The following MIS18A variants were observed in gnomAD, a reference collection of about 807,000 sequenced individuals.
The protein encoded by MIS18A is MIS18 kinetochore protein A.
Under a neutral mutation model 25.0 loss-of-function variants are expected in MIS18A, and 14 were observed. That is an observed-to-expected ratio of 0.56 (90% CI 0.37 to 0.88). The LOEUF (loss-of-function observed/expected upper bound fraction) is 0.88. MIS18A is among the 40% of genes least tolerant of loss of function. MIS18A has a pLI of 0.00. For missense variants in MIS18A, 292 were observed against 290.8 expected (o/e 1.00, Z -0.03); for synonymous variants, 134 against 118.6 (o/e 1.13, Z -0.84).
chr21:32,234,090 G>C, the MIS18A span, among the ~76,000 whole-genome samples: 5 of 152,302 alleles, frequency 3.3e-5, no homozygotes, highest in East Asian at 7.7e-4. Flanking sequence ...ATAACAATGT[G>C]TCAACATCCG....
chr21:32,275,041 T>G, intron 1 of MIS18A, 145 bp from the exon 2 acceptor site: 2 of 654,560 alleles, frequency 3.1e-6, no homozygotes, highest in Non-Finnish European at 5.3e-6. Flanking sequence ...GGTTTAAAAC[T>G]AAATGTACTG....
the MIS18A span, among the ~76,000 whole-genome samples, chr21:32,181,964 T>C: frequency 6.6e-6 from 1 of 152,202 alleles, no homozygotes; most frequent in Non-Finnish European, 1.5e-5. Context: ...ATGAGAATAT[T>C]CATACCTGTT....
At chr21:32,171,024 T>G in the MIS18A span, among the ~76,000 whole-genome samples, 2 of 152,088 alleles carry the variant, frequency 1.3e-5, no homozygotes, top group Non-Finnish European at 2.9e-5. Flanking sequence ...CCTACAGTTA[T>G]CATTATACTT....
the MIS18A span, among the ~76,000 whole-genome samples, chr21:32,193,521 T>TA: frequency 8.6e-5 from 9 of 104,884 alleles, no homozygotes; most frequent in African/African-American, 2.5e-4. Flanking sequence ...GATAGATAGA[T>TA]GGATAGATCG....
chr21:32,157,014 C>T, the MIS18A span, among the ~76,000 whole-genome samples: 3 of 151,304 alleles, frequency 2.0e-5, no homozygotes, highest in African/African-American at 7.3e-5. Context: ...ATATGGCCCA[C>T]TAGGCTGATT....
At chr21:32,244,794 T>C in the MIS18A span, among the ~76,000 whole-genome samples, 7 of 152,236 alleles carry the variant, frequency 4.6e-5, no homozygotes, top group East Asian at 1.4e-3. Context: ...CCAAGAGTTT[T>C]TTGGAAAAGG....
At chr21:32,253,541 C>A in the MIS18A span, among the ~76,000 whole-genome samples, 1 of 152,272 alleles carries the variant, frequency 6.6e-6, no homozygotes, top group Middle Eastern at 3.4e-3. Flanking sequence ...CAGCATCATG[C>A]CCAGATCACT....
the MIS18A span, among the ~76,000 whole-genome samples, chr21:32,211,255 G>C: frequency 6.6e-6 from 1 of 152,126 alleles, no homozygotes; most frequent in African/African-American, 2.4e-5. Context: ...TGGTCAGGCT[G>C]GTCTCGAACT....
the MIS18A span, among the ~76,000 whole-genome samples, chr21:32,208,415 C>G: frequency 6.6e-6 from 1 of 152,122 alleles, no homozygotes; most frequent in Non-Finnish European, 1.5e-5. Flanking sequence ...GACCTCCCCC[C>G]TCTCTTGCCC....
chr21:32,263,880 T>C (rs2031551221), downstream of MIS18A, among the ~76,000 whole-genome samples: 1 of 150,990 alleles, frequency 6.6e-6, no homozygotes, highest in Admixed American at 6.6e-5. Flanking sequence ...AATTTCAAGC[T>C]ACCAACAGTT....
the MIS18A span, among the ~76,000 whole-genome samples, chr21:32,197,032 G>A: frequency 1.3e-3 from 190 of 150,436 alleles, no homozygotes; most frequent in Middle Eastern, 6.8e-3. Context: ...AGGACAGCAG[G>A]ATTAAAAAAA....
chr21:32,168,002 AG>A, the MIS18A span, among the ~76,000 whole-genome samples: 2 of 152,264 alleles, frequency 1.3e-5, no homozygotes, highest in East Asian at 3.9e-4. Context: ...TGATGTTTGG[AG>A]GTGGGGTCTT....
the MIS18A span, among the ~76,000 whole-genome samples, chr21:32,259,147 T>A: frequency 2.0e-5 from 3 of 152,046 alleles, no homozygotes; most frequent in Non-Finnish European, 4.4e-5. Context: ...GTGCCAGGAT[T>A]TCAGGTGGGA....
the MIS18A span, among the ~76,000 whole-genome samples, chr21:32,209,495 T>C: frequency 1.3e-5 from 2 of 152,200 alleles, no homozygotes; most frequent in South Asian, 2.1e-4. Flanking sequence ...ATTAGGTTGG[T>C]GCAAAAGTAA....
At chr21:32,274,456 T>C (rs980206937) in intron 2 of MIS18A, among the ~76,000 whole-genome samples, 1 of 152,134 alleles carries the variant, frequency 6.6e-6, no homozygotes, top group African/African-American at 2.4e-5. Context: ...TCTGCCCACC[T>C]TGGCCTCCGA....
At chr21:32,254,470 G>T in the MIS18A span, among the ~76,000 whole-genome samples, 1 of 152,010 alleles carries the variant, frequency 6.6e-6, no homozygotes, top group Non-Finnish European at 1.5e-5. Context: ...GGTGGAGGTT[G>T]CAGTGAGCCA....
chr21:32,176,924 C>T, the MIS18A span, among the ~76,000 whole-genome samples: 3 of 151,932 alleles, frequency 2.0e-5, no homozygotes, highest in East Asian at 5.8e-4. Context: ...GGTACCAAAG[C>T]GTGATGAAGA....
At chr21:32,178,689 T>C in the MIS18A span, among the ~76,000 whole-genome samples, 2 of 152,296 alleles carry the variant, frequency 1.3e-5, no homozygotes, top group South Asian at 4.1e-4. Context: ...TACAAGGTAC[T>C]CTTTCCTTAT....
At chr21:32,161,140 T>C in the MIS18A span, among the ~76,000 whole-genome samples, 40,002 of 152,196 alleles carry the variant, frequency 0.26, 6,827 homozygotes, top group African/African-American at 0.49. Context: ...ATTAACGAAT[T>C]GATAGTGATA....
Sources: allele counts gnomAD v4.1 joint callset (sites outside exome capture counted in the v4.1 genomes callset), GRCh38; gene constraint gnomAD v4.1.1; transcripts MANE v1.5; gene names NCBI Gene and HGNC (gene_info 2026-07-23, HGNC 2026-07-21).